Variants in DAB2IP observed in about 807,000 individuals in gnomAD.
DAB2IP encodes the protein DAB2 interacting protein, also known as disabled homolog 2-interacting protein.
A neutral mutation model predicts 107.2 loss-of-function variants in DAB2IP; 28 were observed. The observed-to-expected ratio is 0.26, with a 90% confidence interval of 0.19 to 0.36. The LOEUF is 0.36. Among genes scored for constraint, DAB2IP ranks in the 10% least tolerant of loss-of-function variants. The pLI, the probability that DAB2IP is intolerant of heterozygous loss-of-function variation, is 1.00. For synonymous variants in DAB2IP, 755 were observed against 706.4 expected, an observed-to-expected ratio of 1.07 and a Z score of -1.09; for missense variants, 1,400 against 1,644.7, an observed-to-expected ratio of 0.85 and a Z score of 2.57.
In DAB2IP at chr9:121,760,473, T is replaced by C. The variant is rs1360910957; in HGVS notation, c.1170+34T>C. The C allele has an allele frequency of 1.9e-6, 3 of 1,540,100 alleles. No homozygotes were observed. The highest frequency in any genetic ancestry group is 2.6e-6 in the Non-Finnish European group (3 of 1,148,530). On this transcript the variant is annotated intron_variant, in intron 6 of 15. Coordinates refer to ENST00000408936, the Ensembl canonical transcript of DAB2IP. The surrounding 1 kb of genome is among the most constrained non-coding windows in gnomAD (Gnocchi z 5.9). ...AGGCCCCTCGGCTCCTGACACAGGC[T>C]GGGCGGCAGCACTGGGTTACCTGCC... is the stretch of plus-strand genomic sequence containing the variant.
intron 9 of DAB2IP, 66 bp downstream of exon 9, chr9:121,766,796 G>T (rs1250398934): frequency 6.6e-7 from 1 of 1,526,526 alleles, no homozygotes; most frequent in Non-Finnish European, 9.0e-7. Flanking sequence ...AGGCCCTGGG[G>T]GTGTTTCTGC....
At chr9:121,590,668 T>C (rs1830407129) in intron 1 of DAB2IP, among the ~76,000 whole-genome samples, 2 of 152,086 alleles carry the variant, frequency 1.3e-5, no homozygotes, top group Non-Finnish European at 2.9e-5. Context: ...CGGGCAGAAA[T>C]GTAGACATTT....
At chr9:121,625,246 T>TC (rs1831602408) in intron 1 of DAB2IP, among the ~76,000 whole-genome samples, 1 of 149,890 alleles carries the variant, frequency 6.7e-6, no homozygotes, top group South Asian at 2.1e-4. Flanking sequence ...CTGGGCTTTT[T>TC]TTTTTTTTTT....
At chr9:121,764,505 C>T (rs893901800) in intron 8 of DAB2IP, among the ~76,000 whole-genome samples, 9 of 152,360 alleles carry the variant, frequency 5.9e-5, no homozygotes, top group African/African-American at 1.9e-4. Context: ...CCAGCTTGCT[C>T]CTGGGATATA....
At chr9:121,781,702 C>T in intron 15 of DAB2IP, 151 bp downstream of exon 15, 1 of 733,358 alleles carries the variant, frequency 1.4e-6, no homozygotes, top group Non-Finnish European at 2.2e-6. Context: ...GACCTGTGGT[C>T]TTAGTGGGCC....
intron 10 of DAB2IP, 151 bp from the exon 11 acceptor site, chr9:121,770,395 C>T (rs545289205): frequency 1.2e-6 from 1 of 826,054 alleles, no homozygotes; most frequent in Admixed American, 2.8e-5. Context: ...GCTCACCCCC[C>T]TCCCAGACCC....
At chr9:121,644,205 A>C (rs201622035) in intron 1 of DAB2IP, among the ~76,000 whole-genome samples, 1 of 149,596 alleles carries the variant, frequency 6.7e-6, no homozygotes, top group Non-Finnish European at 1.5e-5. Flanking sequence ...AAGAAGAGGA[A>C]GAAGAGGAAG....
chr9:121,689,074 C>T (rs999809926), intron 2 of DAB2IP, among the ~76,000 whole-genome samples: 1 of 152,144 alleles, frequency 6.6e-6, no homozygotes, highest in Admixed American at 6.5e-5. Flanking sequence ...GGGTGGATCA[C>T]CTGAGGTCAG....
At chr9:121,756,281 C>T (rs1833470731) in intron 3 of DAB2IP, among the ~76,000 whole-genome samples, 2 of 152,208 alleles carry the variant, frequency 1.3e-5, no homozygotes. Flanking sequence ...AGGGGAGCAG[C>T]GGGCCCAGGT....
intron 3 of DAB2IP, among the ~76,000 whole-genome samples, chr9:121,743,283 A>G (rs1832478752): frequency 1.3e-5 from 2 of 152,146 alleles, no homozygotes; most frequent in African/African-American, 4.8e-5. Flanking sequence ...CTCATCTCTT[A>G]TTCCTGAGAT....
intron 3 of DAB2IP, among the ~76,000 whole-genome samples, chr9:121,717,188 G>A (rs1349302597): frequency 1.3e-5 from 2 of 152,160 alleles, no homozygotes; most frequent in Admixed American, 6.5e-5. Flanking sequence ...CTTCCACATC[G>A]GCTCAGGGGC....
intron 1 of DAB2IP, among the ~76,000 whole-genome samples, chr9:121,584,579 C>T (rs1026121098): frequency 2.0e-5 from 3 of 152,164 alleles, no homozygotes; most frequent in African/African-American, 7.2e-5. Context: ...TAGCTCCTGG[C>T]CCCTCCTGCT....
intron 1 of DAB2IP, among the ~76,000 whole-genome samples, chr9:121,625,385 C>T (rs905410803): frequency 2.6e-5 from 4 of 151,906 alleles, no homozygotes; most frequent in South Asian, 2.1e-4. Flanking sequence ...ACTACAGGTG[C>T]GCACCATCAT....
At chr9:121,608,198 C>T (rs922972383) in intron 1 of DAB2IP, among the ~76,000 whole-genome samples, 16 of 152,218 alleles carry the variant, frequency 1.1e-4, no homozygotes, top group Non-Finnish European at 4.4e-5. Flanking sequence ...ACTTGAGTGG[C>T]TCGGCAGCCT....
chr9:121,681,123 C>T (rs1269410614), intron 2 of DAB2IP, among the ~76,000 whole-genome samples: 1 of 151,952 alleles, frequency 6.6e-6, no homozygotes, highest in Non-Finnish European at 1.5e-5. Context: ...GAAACAGGTT[C>T]CGAGAGGTAA....
At chr9:121,677,566 G>A (rs1400966677) in intron 1 of DAB2IP, among the ~76,000 whole-genome samples, 1 of 152,134 alleles carries the variant, frequency 6.6e-6, no homozygotes, top group Non-Finnish European at 1.5e-5. Flanking sequence ...CCCCAAGTGT[G>A]GCATCCCAGG....
chr9:121,669,484 A>G (rs544367768), intron 1 of DAB2IP, among the ~76,000 whole-genome samples: 161 of 152,170 alleles, frequency 1.1e-3, no homozygotes, highest in Non-Finnish European at 1.4e-3. Context: ...TGTGTTAGGA[A>G]GAACCTAGTA....
intron 4 of DAB2IP, among the ~76,000 whole-genome samples, chr9:121,757,407 C>G (rs181570103): frequency 6.6e-6 from 1 of 152,354 alleles, no homozygotes; most frequent in East Asian, 1.9e-4. Context: ...GTTCTCCATG[C>G]TAGCCTGAAG....
At chr9:121,642,488 CT>C (rs59223844) in intron 1 of DAB2IP, among the ~76,000 whole-genome samples, 11,296 of 130,836 alleles carry the variant, frequency 0.086, 1,429 homozygotes, top group African/African-American at 0.34. Flanking sequence ...GCTTTTTTTT[CT>C]TTTTTTTTTT....
Sources: gnomAD v4.1 joint callset for allele counts (sites outside exome capture counted in the v4.1 genomes callset) on GRCh38, gnomAD v4.1.1 for gene constraint, Gnocchi (gnomAD v3.1) non-coding constraint, MANE v1.5 for transcripts, NCBI Gene and HGNC (gene_info 2026-07-23, HGNC 2026-07-21) for gene names.